Variants in CCDC175 observed in about 807,000 individuals in gnomAD.
CCDC175 encodes the protein coiled-coil domain containing 175, also known as coiled-coil domain-containing protein 175.
Under a neutral mutation model 114.6 loss-of-function variants are expected in CCDC175, and 100 were observed. That is an observed-to-expected ratio of 0.87 (90% CI 0.74 to 1.03). CCDC175 has a LOEUF of 1.03. Ranked by LOEUF, CCDC175 falls within the 50% of genes least tolerant of loss-of-function variation. The pLI, the probability that CCDC175 is intolerant of heterozygous loss-of-function variation, is 0.00. For missense variants in CCDC175, 880 were observed against 917.8 expected, an observed-to-expected ratio of 0.96 and a Z score of 0.53; for synonymous variants, 306 against 308.7, an observed-to-expected ratio of 0.99 and a Z score of 0.09.
intron 4 of CCDC175, among the ~76,000 whole-genome samples, chr14:59,567,521 A>G (rs1182335277): frequency 6.6e-6 from 1 of 152,160 alleles, no homozygotes; most frequent in Non-Finnish European, 1.5e-5. Context: ...GATATTTATG[A>G]TATTTATTAA....
chr14:59,572,883 C>G, intron 2 of CCDC175, 70 bp from the exon 3 acceptor site: 1 of 874,934 alleles, frequency 1.1e-6, no homozygotes, highest in Non-Finnish European at 1.7e-6. Flanking sequence ...CTAAACAATG[C>G]CCTACAAATG....
intron 19 of CCDC175, among the ~76,000 whole-genome samples, chr14:59,508,778 G>A (rs895355936): frequency 2.0e-5 from 3 of 152,004 alleles, no homozygotes; most frequent in African/African-American, 4.8e-5. Context: ...GACACAATGA[G>A]GAAGCACCAT....
rs1387963454 is a variant in CCDC175, at chr14:59,552,168, T to TCCTCAAGTGGGTCCCTGAC, written c.954-751_954-733dup. Among the ~76,000 whole-genome samples the TCCTCAAGTGGGTCCCTGAC allele has an allele frequency of 2.6e-5, 4 of 152,194 alleles. No homozygotes were observed. The East Asian group carries it at 7.7e-4, about 29-fold the overall frequency. On this transcript the variant is annotated intron_variant, in intron 7 of 19. Coordinates refer to ENST00000537690, the MANE Select transcript of CCDC175 (RefSeq NM_001164399.2). Reference sequence around the variant, plus strand: ...GAGATCTGAGAACAGACAGACTGCCTCCTCAAGTGGGTCCCTGACCCCCGA... The same window carrying TCCTCAAGTGGGTCCCTGAC: ...GAGATCTGAGAACAGACAGACTGCCTCCTCAAGTGGGTCCCTGACCCTCAAGTGGGTCCCTGACCCCCGA...
intron 1 of CCDC175, among the ~76,000 whole-genome samples, chr14:59,575,405 A>G (rs891581323): frequency 1.3e-5 from 2 of 152,206 alleles, no homozygotes; most frequent in Non-Finnish European, 1.5e-5. Context: ...TCAAGTATGA[A>G]AAGAGTTCAA....
chr14:59,530,953 A>G (rs1894036236), intron 14 of CCDC175, among the ~76,000 whole-genome samples: 1 of 152,052 alleles, frequency 6.6e-6, no homozygotes, highest in Admixed American at 6.6e-5. Flanking sequence ...CGGATTCCTT[A>G]GATAATGACC....
intron 13 of CCDC175, among the ~76,000 whole-genome samples, chr14:59,535,809 C>T (rs757598590): frequency 4.6e-5 from 7 of 152,348 alleles, no homozygotes; most frequent in East Asian, 1.9e-4. Flanking sequence ...CCCTTGAAGG[C>T]GGACTCGCCA....
At chr14:59,555,057 T>C (rs1049171283) in intron 7 of CCDC175, among the ~76,000 whole-genome samples, 1 of 152,182 alleles carries the variant, frequency 6.6e-6, no homozygotes, top group Non-Finnish European at 1.5e-5. Context: ...GCTGGTACCA[T>C]TACTTCTGAA....
chr14:59,546,601 A>T (rs1283478231), intron 8 of CCDC175, among the ~76,000 whole-genome samples: 1 of 151,926 alleles, frequency 6.6e-6, no homozygotes, highest in Non-Finnish European at 1.5e-5. Flanking sequence ...AAACCACTTG[A>T]AAACCAAGTT....
rs1207953111 is a variant in CCDC175, at chr14:59,505,329, A to AAAT, written c.2306-17_2306-15dup. On this transcript the variant is annotated splice_polypyrimidine_tract_variant and intron_variant, in intron 19 of 19. Coordinates refer to ENST00000537690, the MANE Select transcript of CCDC175 (RefSeq NM_001164399.2). ...GTTTCTTCTTCTCTGTAGGAATAAA[A>AAAT]AATAAATATAAAAATTTTATTTGTA... 3.6e-6 allele frequency: 5 copies of AAAT among 1,394,428 alleles called. No individual in the cohort carries two copies. Among genetic ancestry groups the AAAT allele is most frequent in the Non-Finnish European group, 4.8e-6 (5 of 1,042,434 alleles). 86.4% of individuals were successfully genotyped at this position (1,394,428 alleles called of 1,614,324 possible). A position where few individuals can be genotyped will look rare whatever the true frequency, so the allele number is the denominator to read the frequency against.
chr14:59,518,331 G>T (rs1463697267), intron 17 of CCDC175, among the ~76,000 whole-genome samples: 239 of 152,148 alleles, frequency 1.6e-3, no homozygotes, highest in Non-Finnish European at 2.5e-3. Context: ...GGGATCTAAT[G>T]AAACTAAAGA....
chr14:59,525,323 T>C lies in CCDC175; in HGVS notation c.1954A>G (p.Lys652Glu). 1 of 1,469,488 alleles carries C rather than the reference T, an allele frequency of 6.8e-7. No homozygotes were observed. The highest frequency in any genetic ancestry group is 8.9e-7 in the Non-Finnish European group (1 of 1,121,176). 91.0% of individuals were successfully genotyped at this position (1,469,488 alleles called of 1,614,324 possible). A position where few individuals can be genotyped will look rare whatever the true frequency, so the allele number is the denominator to read the frequency against. Residue 652 changes from lysine to glutamate, a missense_variant, in exon 16 of 20, where the codon AAA becomes GAA. Physicochemically the swap from Lys to Glu is moderately conservative, Grantham distance 56. Transcript: ENST00000537690. ...LENGFYINDQKADLLLLENKK... is the reference protein window; with the variant it reads ...LENGFYINDQEADLLLLENKK... ...TTTTCCAGGAGCAGAAGATCTGCTT[T>C]TTGGTCATTTATATAGAATCCATTT...
chr14:59,523,988 C>CAAAAAAG (rs1555342362), intron 16 of CCDC175, among the ~76,000 whole-genome samples: 1 of 125,874 alleles, frequency 7.9e-6, no homozygotes, highest in Non-Finnish European at 1.6e-5. Flanking sequence ...GACTCCGTCT[C>CAAAAAAG]AAAAAAGAAA....
At chr14:59,537,535 G>C (rs58121799) in intron 13 of CCDC175, among the ~76,000 whole-genome samples, 1 of 152,090 alleles carries the variant, frequency 6.6e-6, no homozygotes, top group African/African-American at 2.4e-5. Flanking sequence ...GCCTTGGGAA[G>C]GTGCATTTTT....
In CCDC175 at chr14:59,523,761, G is replaced by A. The variant is rs558790687; in HGVS notation, c.1995+1521C>T. Among the ~76,000 whole-genome samples, 16 of 152,228 alleles carry A rather than the reference G, an allele frequency of 1.1e-4. No individual in the cohort carries two copies. The East Asian group carries it at 1.7e-3, about 17-fold the overall frequency. ...TCCTAGCACTATGGGAGGCCGAGGC[G>A]GGCGGATCACAAGGTCAGGAGATCG... On this transcript the variant is annotated intron_variant, in intron 16 of 19. Coordinates refer to ENST00000537690, the MANE Select transcript of CCDC175 (RefSeq NM_001164399.2).
intron 17 of CCDC175, among the ~76,000 whole-genome samples, chr14:59,520,681 C>A (rs1053899273): frequency 6.6e-6 from 1 of 152,102 alleles, no homozygotes. Context: ...TAAAAAGGAG[C>A]AAACTAGTGA....
At chr14:59,528,770 T>C (rs1450779514) in intron 14 of CCDC175, among the ~76,000 whole-genome samples, 2 of 152,168 alleles carry the variant, frequency 1.3e-5, no homozygotes, top group African/African-American at 4.8e-5. Flanking sequence ...TTGTTGTTGT[T>C]GCTCTATTTT....
At chr14:59,509,369 G>C (rs1389047364) in intron 19 of CCDC175, among the ~76,000 whole-genome samples, 1 of 152,128 alleles carries the variant, frequency 6.6e-6, no homozygotes, top group Admixed American at 6.5e-5. Context: ...CACCAGGCAG[G>C]ACCATCAAAA....
chr14:59,550,399 T>G (rs945808388), intron 8 of CCDC175, among the ~76,000 whole-genome samples: 1 of 152,188 alleles, frequency 6.6e-6, no homozygotes, highest in Non-Finnish European at 1.5e-5. Flanking sequence ...GATTATCTAC[T>G]TATGATATGA....
chr14:59,529,884 C>T (rs1459226964), intron 14 of CCDC175, among the ~76,000 whole-genome samples: 1 of 152,172 alleles, frequency 6.6e-6, no homozygotes, highest in Non-Finnish European at 1.5e-5. Flanking sequence ...TCAACTTTCC[C>T]ACTCTTATGT....
Sources: allele counts gnomAD v4.1 joint callset (sites outside exome capture counted in the v4.1 genomes callset), GRCh38; gene constraint gnomAD v4.1.1; transcripts MANE v1.5; gene names NCBI Gene and HGNC (gene_info 2026-07-23, HGNC 2026-07-21).